Variants in CASD1 observed in about 807,000 individuals in gnomAD.
CASD1 encodes N-acetylneuraminate (7)9-O-acetyltransferase.
Under a neutral mutation model 100.0 loss-of-function variants are expected in CASD1, and 41 were observed. That is an observed-to-expected ratio of 0.41 (90% CI 0.32 to 0.53). CASD1 has a LOEUF of 0.53. Among genes scored for constraint, CASD1 ranks in the 20% least tolerant of loss-of-function variants. The probability of loss-of-function intolerance (pLI) is 0.25; values close to 1 mark genes in which losing one functional copy is unlikely to be tolerated. For synonymous variants in CASD1, 321 were observed against 315.6 expected (o/e 1.02, Z -0.18); for missense variants, 774 against 948.7 (o/e 0.82, Z 2.42).
At chr7:94,607,707 T>C in the CASD1 span, among the ~76,000 whole-genome samples, 2 of 152,208 alleles carry the variant, frequency 1.3e-5, no homozygotes, top group Non-Finnish European at 2.9e-5. Flanking sequence ...GTTTTCCTAC[T>C]AGTATCAGGA....
the CASD1 span, among the ~76,000 whole-genome samples, chr7:94,578,248 A>G: frequency 1.3e-5 from 2 of 152,156 alleles, no homozygotes; most frequent in African/African-American, 2.4e-5. Context: ...TGTAAATTGC[A>G]TGTTATTTTT....
chr7:94,562,124 A>G, the CASD1 span, among the ~76,000 whole-genome samples: 2 of 152,272 alleles, frequency 1.3e-5, no homozygotes, highest in African/African-American at 4.8e-5. Flanking sequence ...TCTTGTAAAC[A>G]GTTCATTTGC....
At chr7:94,540,074 G>C (rs1795319898) in intron 10 of CASD1, among the ~76,000 whole-genome samples, 1 of 152,112 alleles carries the variant, frequency 6.6e-6, no homozygotes, top group Admixed American at 6.6e-5. Flanking sequence ...GGCCACTTTG[G>C]ATGTGGCAGG....
the CASD1 span, among the ~76,000 whole-genome samples, chr7:94,573,374 C>T: frequency 9.2e-5 from 14 of 152,112 alleles, no homozygotes; most frequent in Non-Finnish European, 1.9e-4. Context: ...GGAAGTTTTT[C>T]CATTTGTTTG....
chr7:94,571,971 G>A, the CASD1 span, among the ~76,000 whole-genome samples: 1 of 151,998 alleles, frequency 6.6e-6, no homozygotes, highest in African/African-American at 2.4e-5. Context: ...GGGCTTCTAG[G>A]AAACATAGAA....
chr7:94,528,273 C>CTTTT, intron 5 of CASD1, 23 bp downstream of exon 5: 1 of 1,185,244 alleles, frequency 8.4e-7, no homozygotes, highest in Non-Finnish European at 1.2e-6. Flanking sequence ...AAAACATAGG[C>CTTTT]TTTTTTTTTT....
the CASD1 span, chr7:94,589,751 A>T: frequency 2.2e-5 from 4 of 182,634 alleles, no homozygotes; most frequent in South Asian, 1.6e-4. Context: ...ACTGTCCCCC[A>T]TCACCCCCTG....
chr7:94,629,970 T>C, the CASD1 span: 3 of 1,029,364 alleles, frequency 2.9e-6, no homozygotes, highest in East Asian at 2.5e-5. Flanking sequence ...TGAAGCAACA[T>C]GCAAGGAAAC....
At chr7:94,537,205 A>T (rs1698775077) in intron 8 of CASD1, among the ~76,000 whole-genome samples, 1 of 152,092 alleles carries the variant, frequency 6.6e-6, no homozygotes, top group Non-Finnish European at 1.5e-5. Context: ...AGTCGTAAGG[A>T]TAGGTATTGT....
the CASD1 span, chr7:94,590,937 C>G: frequency 6.6e-6 from 1 of 151,920 alleles, no homozygotes; most frequent in Admixed American, 6.6e-5. Context: ...TAGGTAACAC[C>G]TTTGAGAGTT....
chr7:94,530,369 T>G (rs533719993), intron 5 of CASD1, among the ~76,000 whole-genome samples: 3 of 152,282 alleles, frequency 2.0e-5, no homozygotes, highest in Non-Finnish European at 2.9e-5. Context: ...TGGTTTTGGT[T>G]GTTCTTTTCA....
In CASD1 at chr7:94,537,594, A is replaced by G. The variant is rs1397971962; in HGVS notation, c.966A>G (p.Leu322=). The change falls in exon 9 of 18, where the codon TTA becomes TTG. Residue 322 remains leucine (L), a synonymous_variant. Coordinates refer to ENST00000297273, the MANE Select transcript of CASD1 (RefSeq NM_022900.5). The stretch of plus-strand genomic sequence containing the variant: ...AGCTAGCTGCTTGTTTTTTCACTTT[A>G]TCTATTATCGGATATTTAATTTTTT... ...IQKLAACFFT[L]SIIGYLIFYI... 1 of 1,613,788 alleles carries G rather than the reference A, an allele frequency of 6.2e-7. No individual in the cohort carries two copies. The highest frequency in any genetic ancestry group is 2.2e-5 in the East Asian group (1 of 44,844).
At chr7:94,603,261 AAAC>A in the CASD1 span, 2 of 1,583,198 alleles carry the variant, frequency 1.3e-6, no homozygotes, top group East Asian at 4.5e-5. Flanking sequence ...ATTTTTAACT[AAAC>A]TTGCAAAAAC....
chr7:94,617,690 G>A, the CASD1 span: 1 of 152,190 alleles, frequency 6.6e-6, no homozygotes, highest in Non-Finnish European at 1.5e-5. Context: ...ATGTATGCTT[G>A]ACTGATTTCA....
At chr7:94,631,891 C>G in the CASD1 span, among the ~76,000 whole-genome samples, 1 of 151,996 alleles carries the variant, frequency 6.6e-6, no homozygotes, top group African/African-American at 2.4e-5. Context: ...TTATCTAATT[C>G]ATTCTTTCTA....
At chr7:94,585,410 G>T in the CASD1 span, 5 of 1,142,960 alleles carry the variant, frequency 4.4e-6, no homozygotes, top group Admixed American at 6.7e-5. Context: ...TGCCAGAAAA[G>T]CTCATGCATT....
At chr7:94,623,389 G>T in the CASD1 span, 1 of 1,598,308 alleles carries the variant, frequency 6.3e-7, no homozygotes, top group Non-Finnish European at 8.6e-7. Flanking sequence ...GCCTGTTGTA[G>T]GCAGTTATCT....
At chr7:94,541,537 G>GTTTTTTTTTTTTTTTTTT (rs56786123) in intron 10 of CASD1, among the ~76,000 whole-genome samples, 1 of 60,084 alleles carries the variant, frequency 1.7e-5, no homozygotes, top group Non-Finnish European at 2.8e-5. Context: ...TGTTCCACTG[G>GTTTTTTTTTTTTTTTTTT]TTTTTTTTTT....
At chr7:94,542,887 A>G (rs1200082313) in intron 10 of CASD1, among the ~76,000 whole-genome samples, 1 of 152,216 alleles carries the variant, frequency 6.6e-6, no homozygotes, top group Non-Finnish European at 1.5e-5. Context: ...TTTCTGATCT[A>G]ATAAGTCATT....
Sources: gnomAD v4.1 joint callset for allele counts (sites outside exome capture counted in the v4.1 genomes callset) on GRCh38, gnomAD v4.1.1 for gene constraint, MANE v1.5 for transcripts, NCBI Gene and HGNC (gene_info 2026-07-23, HGNC 2026-07-21) for gene names.